The following GABRB1 variants were observed in gnomAD, a reference collection of about 807,000 sequenced individuals.
The protein encoded by GABRB1 is gamma-aminobutyric acid receptor subunit beta-1.
A neutral mutation model predicts 51.6 loss-of-function variants in GABRB1; 17 were observed. The ratio of observed to expected loss-of-function variants is 0.33; its 90% CI spans 0.23 to 0.49. The LOEUF (loss-of-function observed/expected upper bound fraction) is 0.49, where lower values mean the gene tolerates loss of function less well. Ranked by LOEUF, GABRB1 falls within the 20% of genes least tolerant of loss-of-function variation. The probability of loss-of-function intolerance (pLI) is 0.99; values close to 1 mark genes in which losing one functional copy is unlikely to be tolerated. For missense variants in GABRB1, 410 were observed against 600.6 expected, an observed-to-expected ratio of 0.68 and a Z score of 3.32; for synonymous variants, 247 against 218.9, an observed-to-expected ratio of 1.13 and a Z score of -1.14.
intron 3 of GABRB1, among the ~76,000 whole-genome samples, chr4:47,111,798 G>C (rs758346258): frequency 7.9e-5 from 12 of 152,018 alleles, no homozygotes; most frequent in Non-Finnish European, 1.8e-4. Flanking sequence ...CCAGGAGATC[G>C]AGGCTGAAGT....
chr4:47,042,465 A>G lies in GABRB1; in HGVS notation c.240+9981A>G, dbSNP rs367942607. 1.3e-3 allele frequency among the ~76,000 whole-genome samples: 188 copies of G among 145,784 alleles called. 6 individuals are homozygous for G. The South Asian group carries it at 0.04, about 31-fold the overall frequency. On this transcript the variant is annotated intron_variant, in intron 3 of 8. Transcript: ENST00000295454. ...AAAATACGTGTGTGAGTATGTGCAC[A>G]GTATATATATACAAATATATATATA...
At chr4:47,348,330 A>G (rs908367577) in intron 5 of GABRB1, among the ~76,000 whole-genome samples, 18 of 152,232 alleles carry the variant, frequency 1.2e-4, no homozygotes, top group Admixed American at 9.2e-4. Flanking sequence ...ATATAAACTC[A>G]GAGTCAGGAA....
chr4:47,097,229 C>T (rs1359266703), intron 3 of GABRB1, among the ~76,000 whole-genome samples: 1 of 152,130 alleles, frequency 6.6e-6, no homozygotes, highest in Non-Finnish European at 1.5e-5. Context: ...TTTTTTCAGA[C>T]ATTATCTCCT....
At chr4:47,024,493 C>A (rs147121400) in intron 1 of GABRB1, among the ~76,000 whole-genome samples, 2 of 151,878 alleles carry the variant, frequency 1.3e-5, no homozygotes, top group Admixed American at 6.6e-5. Flanking sequence ...CAGTGACATG[C>A]GACCGAAGAA....
At chr4:47,290,407 T>C (rs1288270372) in intron 4 of GABRB1, among the ~76,000 whole-genome samples, 1 of 152,210 alleles carries the variant, frequency 6.6e-6, no homozygotes, top group Non-Finnish European at 1.5e-5. Context: ...CCAACATTAG[T>C]ATGCCTTTAT....
intron 3 of GABRB1, among the ~76,000 whole-genome samples, chr4:47,127,321 TGTGTGTAG>T (rs1343329311): frequency 3.3e-5 from 5 of 151,844 alleles, no homozygotes; most frequent in Non-Finnish European, 7.4e-5. Flanking sequence ...TAGATATATG[TGTGTGTAG>T]ATACACACAT....
intron 4 of GABRB1, among the ~76,000 whole-genome samples, chr4:47,272,525 A>C (rs1722912279): frequency 6.6e-6 from 1 of 152,126 alleles, no homozygotes; most frequent in Admixed American, 6.5e-5. Flanking sequence ...TTCTATATTA[A>C]CTAAATAAAT....
At chr4:47,320,714 A>C (rs1388422915) in intron 5 of GABRB1, among the ~76,000 whole-genome samples, 1 of 151,382 alleles carries the variant, frequency 6.6e-6, no homozygotes, top group Non-Finnish European at 1.5e-5. Flanking sequence ...TCTAGTGACT[A>C]ATTTTCGTTT....
chr4:47,065,250 C>A (rs1182482383), intron 3 of GABRB1, among the ~76,000 whole-genome samples: 1 of 152,232 alleles, frequency 6.6e-6, no homozygotes, highest in Non-Finnish European at 1.5e-5. Flanking sequence ...AAACCAATAA[C>A]AACCCTTCTT....
intron 3 of GABRB1, among the ~76,000 whole-genome samples, chr4:47,118,870 C>T (rs956454149): frequency 3.3e-5 from 5 of 152,172 alleles, no homozygotes; most frequent in Admixed American, 1.3e-4. Context: ...TATTAACAAC[C>T]AAAACTGCTA....
In GABRB1 at chr4:47,085,009, C is replaced by A. The variant is rs752007621; in HGVS notation, c.240+52525C>A. ...AGGTGCAGCTGGAACTGCCACTCAC[C>A]AGCTGTGGGACCATGAGCAAGTTAT... On this transcript the variant is annotated intron_variant, in intron 3 of 8. Coordinates refer to ENST00000295454, the MANE Select transcript of GABRB1 (RefSeq NM_000812.4). Among the ~76,000 whole-genome samples the A allele has an allele frequency of 3.3e-5, 5 of 152,280 alleles. No individual in the cohort carries two copies. The South Asian group carries it at 8.3e-4, about 25-fold the overall frequency.
chr4:47,416,392 A>C (rs1728918510), intron 8 of GABRB1, among the ~76,000 whole-genome samples: 1 of 152,176 alleles, frequency 6.6e-6, no homozygotes, highest in African/African-American at 2.4e-5. Context: ...TATGTCTTGA[A>C]AAGTAACTAG....
chr4:47,344,026 A>G (rs377481112), intron 5 of GABRB1, among the ~76,000 whole-genome samples: 5 of 152,326 alleles, frequency 3.3e-5, no homozygotes, highest in African/African-American at 1.2e-4. Flanking sequence ...TTATATTACT[A>G]AAGTGCTTTG....
At chr4:47,241,793 T>A (rs184271580) in intron 4 of GABRB1, among the ~76,000 whole-genome samples, 259 of 152,322 alleles carry the variant, frequency 1.7e-3, no homozygotes, top group Middle Eastern at 3.4e-3. Context: ...ATTATAGGTC[T>A]GGTTCCTTAA....
intron 4 of GABRB1, among the ~76,000 whole-genome samples, chr4:47,259,787 A>T (rs1031296966): frequency 4.6e-5 from 7 of 152,296 alleles, no homozygotes; most frequent in African/African-American, 7.2e-5. Context: ...TATATACATC[A>T]CATTTTGTGG....
chr4:47,197,028 GGTAGTAAATCA>G (rs1305381283), intron 4 of GABRB1, among the ~76,000 whole-genome samples: 3 of 152,150 alleles, frequency 2.0e-5, no homozygotes, highest in African/African-American at 4.8e-5. Flanking sequence ...ACTTGTGTTG[GGTAGTAAATCA>G]GTAGCAGAAG....
chr4:47,287,812 C>A (rs1723566737), intron 4 of GABRB1, among the ~76,000 whole-genome samples: 1 of 152,144 alleles, frequency 6.6e-6, no homozygotes, highest in East Asian at 1.9e-4. Flanking sequence ...TATGGACATG[C>A]CTATATGACA....
At chr4:47,416,692 T>C (rs1728932935) in intron 8 of GABRB1, among the ~76,000 whole-genome samples, 1 of 152,136 alleles carries the variant, frequency 6.6e-6, no homozygotes, top group African/African-American at 2.4e-5. Flanking sequence ...CCACAGGTGA[T>C]CAGGCCACCT....
intron 5 of GABRB1, among the ~76,000 whole-genome samples, chr4:47,332,010 G>T (rs1271205269): frequency 6.6e-6 from 1 of 152,096 alleles, no homozygotes; most frequent in Non-Finnish European, 1.5e-5. Context: ...TGAGTTGGGT[G>T]GTTTTAGGTG....
Sources: gnomAD v4.1 joint callset for allele counts (sites outside exome capture counted in the v4.1 genomes callset) on GRCh38, gnomAD v4.1.1 for gene constraint, MANE v1.5 for transcripts, NCBI Gene and HGNC (gene_info 2026-07-23, HGNC 2026-07-21) for gene names.